Variants in IQSEC1 observed in about 807,000 individuals in gnomAD.
IQSEC1 encodes IQ motif and Sec7 domain ArfGEF 1, also known as IQ motif and SEC7 domain-containing protein 1.
A neutral mutation model predicts 91.0 loss-of-function variants in IQSEC1; 31 were observed. The ratio of observed to expected loss-of-function variants is 0.34; its 90% CI spans 0.26 to 0.46. IQSEC1 has a LOEUF of 0.46. IQSEC1 is among the 20% of genes least tolerant of loss of function. The probability of loss-of-function intolerance (pLI) is 1.00; values close to 1 mark genes in which losing one functional copy is unlikely to be tolerated. For synonymous variants in IQSEC1, 699 were observed against 662.6 expected (o/e 1.05, Z -0.84); for missense variants, 1,388 against 1,575.6 (o/e 0.88, Z 2.02).
In IQSEC1 at chr3:13,211,996, A is replaced by T. The variant is rs533327726; in HGVS notation, c.273-47863T>A. On this transcript the variant is annotated intron_variant, in intron 1 of 15. Coordinates refer to the IQSEC1 transcript ENST00000648114. The surrounding 1 kb of genome is among the most constrained non-coding windows in gnomAD (Gnocchi z 5.3). The stretch of plus-strand genomic sequence containing the variant: ...GTGCCCAGCCTCTGTGAGAGGCCCT[A>T]GCGGTGGCTCAGCAGCTCTGGAGTC... 6.6e-6 allele frequency among the ~76,000 whole-genome samples: 1 copy of T among 152,338 alleles called. No individual in the cohort carries two copies. The highest frequency in any genetic ancestry group is 2.1e-4 in the South Asian group (1 of 4,828).
intron 1 of IQSEC1, among the ~76,000 whole-genome samples, chr3:12,964,367 T>C (rs938790658): frequency 2.6e-5 from 4 of 151,490 alleles, no homozygotes; most frequent in Admixed American, 6.6e-5. Context: ...CCGGTGGTGT[T>C]TGAGCCCATC....
Position 12,899,979 on chromosome 3 carries a change from A to G in IQSEC1, c.*1004T>C, listed in dbSNP as rs1207050726. ...TATGCGCATAAAAGAAACATGGATC[A>G]TGGAGAGTCACAGTTATCGCAGCCA... On this transcript the variant is annotated 3_prime_UTR_variant, in exon 14 of 14. Transcript: ENST00000613206. 6.0e-5 allele frequency: 59 copies of G among 985,216 alleles called. No homozygotes were observed. The highest frequency in any genetic ancestry group is 7.0e-5 in the Non-Finnish European group (58 of 829,908). 61.0% of individuals were successfully genotyped at this position (985,216 alleles called of 1,614,324 possible).
chr3:12,988,542 A>G (rs1344183851), intron 1 of IQSEC1, among the ~76,000 whole-genome samples: 1 of 152,272 alleles, frequency 6.6e-6, no homozygotes, highest in African/African-American at 2.4e-5. Context: ...AAATATCCAC[A>G]GCCTGTTTAT....
At chr3:13,010,661 C>T (rs1702842137) in intron 1 of IQSEC1, among the ~76,000 whole-genome samples, 1 of 152,158 alleles carries the variant, frequency 6.6e-6, no homozygotes. Flanking sequence ...CAGCCTTTGC[C>T]TTAAGCCCGT....
chr3:12,920,934 T>C (rs1253731644), intron 5 of IQSEC1, among the ~76,000 whole-genome samples: 1 of 152,192 alleles, frequency 6.6e-6, no homozygotes, highest in Non-Finnish European at 1.5e-5. Flanking sequence ...CTCTCCCCGC[T>C]GCCTGCAATG....
chr3:13,028,246 T>C (rs1012482443), intron 1 of IQSEC1, among the ~76,000 whole-genome samples: 1 of 152,264 alleles, frequency 6.6e-6, no homozygotes, highest in Non-Finnish European at 1.5e-5. Flanking sequence ...GTAGCTCACT[T>C]GATCCCTCTG....
chr3:13,181,152 T>C (rs1025997572), intron 1 of IQSEC1, among the ~76,000 whole-genome samples: 2 of 152,146 alleles, frequency 1.3e-5, no homozygotes, highest in African/African-American at 4.8e-5. Context: ...GCGCCTGTAG[T>C]CCCAGCGACT....
chr3:13,040,798 A>G (rs1704232521), intron 1 of IQSEC1, among the ~76,000 whole-genome samples: 1 of 151,998 alleles, frequency 6.6e-6, no homozygotes, highest in Non-Finnish European at 1.5e-5. Flanking sequence ...ACTCCTCCAG[A>G]CACTTTACCA....
rs182241548 is a variant in IQSEC1 at position 13,049,258 on chromosome 3, C to T, written c.23+23734G>A. Among the ~76,000 whole-genome samples, 10 of 152,278 alleles carry T rather than the reference C, an allele frequency of 6.6e-5. No homozygotes were observed. The East Asian group carries it at 9.6e-4, about 15-fold the overall frequency. ...CACATGAGATGATACCGATACGATG[C>T]GACGAAAATACTGCAAAATGGTGCC... On this transcript the variant is annotated intron_variant, in intron 1 of 13. Coordinates refer to ENST00000613206, the MANE Select transcript of IQSEC1 (RefSeq NM_001134382.3).
At chr3:12,946,423 CAG>C (rs1331548751) in intron 1 of IQSEC1, among the ~76,000 whole-genome samples, 2 of 152,250 alleles carry the variant, frequency 1.3e-5, no homozygotes, top group Non-Finnish European at 2.9e-5. Context: ...CCTGGCAGTT[CAG>C]AGTCTCTGGA....
intron 1 of IQSEC1, among the ~76,000 whole-genome samples, chr3:13,059,106 C>T (rs1351313883): frequency 1.3e-5 from 2 of 152,090 alleles, no homozygotes; most frequent in Admixed American, 1.3e-4. Context: ...AGGTCACTGT[C>T]CTGAGTCTGA....
chr3:13,154,841 T>C (rs1466935073), intron 2 of IQSEC1, among the ~76,000 whole-genome samples: 1 of 151,742 alleles, frequency 6.6e-6, no homozygotes, highest in Non-Finnish European at 1.5e-5. Flanking sequence ...CAAAGTTATA[T>C]AAGTTAAACA....
intron 1 of IQSEC1, among the ~76,000 whole-genome samples, chr3:13,275,263 C>T (rs1401742300): frequency 2.0e-5 from 3 of 152,188 alleles, no homozygotes; most frequent in Non-Finnish European, 4.4e-5. Flanking sequence ...AGGTGCAGAA[C>T]GACAGTCTCT....
At chr3:12,974,119 G>A (rs1701040309) in intron 1 of IQSEC1, among the ~76,000 whole-genome samples, 1 of 152,222 alleles carries the variant, frequency 6.6e-6, no homozygotes, top group Non-Finnish European at 1.5e-5. Flanking sequence ...AGGCCACAGT[G>A]TCCCCCGCAA....
chr3:13,097,071 A>G (rs1244134196), intron 2 of IQSEC1, among the ~76,000 whole-genome samples: 1 of 152,134 alleles, frequency 6.6e-6, no homozygotes, highest in East Asian at 1.9e-4. Context: ...CGTGTTAGCC[A>G]GGATGGTCTC....
chr3:13,252,818 C>T (rs745663721), intron 1 of IQSEC1, among the ~76,000 whole-genome samples: 11 of 152,080 alleles, frequency 7.2e-5, no homozygotes, highest in East Asian at 5.8e-4. Context: ...CTGCCAGCTC[C>T]GCTTCCCGGG....
chr3:13,089,214 C>T (rs62232943), intron 2 of IQSEC1, among the ~76,000 whole-genome samples: 29,408 of 152,242 alleles, frequency 0.19, 3,253 homozygotes, highest in Middle Eastern at 0.34. Flanking sequence ...TATAAACAAC[C>T]CAAGTGTGCA....
At chr3:13,131,883 G>A (rs1490331329) in intron 2 of IQSEC1, among the ~76,000 whole-genome samples, 1 of 151,874 alleles carries the variant, frequency 6.6e-6, no homozygotes, top group East Asian at 1.9e-4. Context: ...TATCTATAAT[G>A]GTCCCATTGT....
At chr3:13,052,359 A>G (rs1178944284) in intron 1 of IQSEC1, among the ~76,000 whole-genome samples, 1 of 151,964 alleles carries the variant, frequency 6.6e-6, no homozygotes, top group East Asian at 1.9e-4. Flanking sequence ...GCATTCAGCC[A>G]CTCTTCGGCG....
Sources: gnomAD v4.1 joint callset for allele counts (sites outside exome capture counted in the v4.1 genomes callset) on GRCh38, gnomAD v4.1.1 for gene constraint, Gnocchi (gnomAD v3.1) non-coding constraint, MANE v1.5 for transcripts, NCBI Gene and HGNC (gene_info 2026-07-23, HGNC 2026-07-21) for gene names.